PPP4R2: variants seen among roughly 807,000 people sequenced by gnomAD.
The protein encoded by PPP4R2 is serine/threonine-protein phosphatase 4 regulatory subunit 2.
In PPP4R2, 13 loss-of-function variants were observed where a neutral mutation model predicts 47.2. That is an observed-to-expected ratio of 0.28 (90% CI 0.18 to 0.44). PPP4R2 has a LOEUF of 0.44. Among genes scored for constraint, PPP4R2 ranks in the 20% least tolerant of loss-of-function variants. The pLI, the probability that PPP4R2 is intolerant of heterozygous loss-of-function variation, is 1.00. For missense variants in PPP4R2, 421 were observed against 491.2 expected (o/e 0.86, Z 1.35); for synonymous variants, 151 against 163.3 (o/e 0.92, Z 0.57).
rs950289047 is a variant in PPP4R2, at chr3:73,053,617, G to C, written c.288-5420G>C. 1.8e-4 allele frequency among the ~76,000 whole-genome samples: 27 copies of C among 151,962 alleles called. 1 individual carries two copies. Among genetic ancestry groups the C allele is most frequent in the Non-Finnish European group, 4.4e-5 (3 of 67,968 alleles). On this transcript the variant is annotated intron_variant, in intron 3 of 8. Transcript: ENST00000356692. ...TTGGGGTTCCTTATCATTATTAAAA[G>C]AGGCGAAATTAGCTGGGCGTGGTGG... is the stretch of plus-strand genomic sequence containing the variant.
chr3:73,020,672 TA>T (rs1553646728), intron 2 of PPP4R2, among the ~76,000 whole-genome samples: 19,234 of 133,048 alleles, frequency 0.14, 1,584 homozygotes, highest in East Asian at 0.35. Context: ...CCTGTCTCTT[TA>T]AAAAAAAAAA....
At chr3:73,053,177 G>T (rs973273778) in intron 3 of PPP4R2, among the ~76,000 whole-genome samples, 1 of 152,196 alleles carries the variant, frequency 6.6e-6, no homozygotes, top group Non-Finnish European at 1.5e-5. Context: ...GTCAGTGTTT[G>T]TTGAGTATAT....
At chr3:73,015,093 A>G (rs1701796392) in intron 2 of PPP4R2, 5 of 447,852 alleles carry the variant, frequency 1.1e-5, no homozygotes, top group Admixed American at 3.8e-5. Flanking sequence ...GAAAATAAAT[A>G]CTGAGAGCAC....
chr3:73,056,112 G>A (rs906280613), intron 3 of PPP4R2, among the ~76,000 whole-genome samples: 4 of 152,200 alleles, frequency 2.6e-5, no homozygotes, highest in African/African-American at 9.7e-5. Flanking sequence ...TGTATGCTAT[G>A]TCTAATGGAT....
chr3:73,037,577 CACAG>C (rs780489006), intron 2 of PPP4R2, among the ~76,000 whole-genome samples: 3 of 152,200 alleles, frequency 2.0e-5, no homozygotes, highest in Non-Finnish European at 4.4e-5. Context: ...CTACAGTGCA[CACAG>C]ACAGCAGCAC....
chr3:73,053,908 C>CAA (rs10631666), intron 3 of PPP4R2, among the ~76,000 whole-genome samples: 15,307 of 103,392 alleles, frequency 0.15, 2,194 homozygotes, highest in African/African-American at 0.36. Context: ...GACACCATCT[C>CAA]AAAAAAAAAA....
chr3:73,031,447 G>GTT (rs1175233610), intron 2 of PPP4R2, among the ~76,000 whole-genome samples: 1 of 152,108 alleles, frequency 6.6e-6, no homozygotes, highest in Non-Finnish European at 1.5e-5. Context: ...GGAGGCTGAG[G>GTT]CAGGAGAACC....
chr3:73,055,632 A>T (rs968624996), intron 3 of PPP4R2, among the ~76,000 whole-genome samples: 4 of 150,440 alleles, frequency 2.7e-5, no homozygotes, highest in African/African-American at 7.3e-5. Flanking sequence ...ATATGAATAA[A>T]TCAGATGATA....
intron 2 of PPP4R2, among the ~76,000 whole-genome samples, chr3:73,025,318 T>A (rs2107262750): frequency 6.6e-6 from 1 of 152,350 alleles, no homozygotes; most frequent in South Asian, 2.1e-4. Flanking sequence ...GGGAATCACC[T>A]TCTGACCTTT....
intron 3 of PPP4R2, among the ~76,000 whole-genome samples, chr3:73,058,492 G>T (rs143440885): frequency 6.6e-6 from 1 of 151,646 alleles, no homozygotes; most frequent in East Asian, 1.9e-4. Context: ...GTTGATTTTG[G>T]GTGTTCTAAG....
intron 3 of PPP4R2, among the ~76,000 whole-genome samples, chr3:73,050,087 G>A (rs1702580127): frequency 6.6e-6 from 1 of 151,856 alleles, no homozygotes; most frequent in Admixed American, 6.6e-5. Flanking sequence ...ATTACAGGGT[G>A]CATCACCACA....
chr3:73,039,985 C>T (rs1047022056), intron 2 of PPP4R2, among the ~76,000 whole-genome samples: 5 of 152,028 alleles, frequency 3.3e-5, no homozygotes, highest in Non-Finnish European at 7.4e-5. Flanking sequence ...ACCAGGGAGG[C>T]GGAGGTTGTA....
intron 2 of PPP4R2, among the ~76,000 whole-genome samples, chr3:73,025,244 A>G (rs958048209): frequency 2.6e-5 from 4 of 152,206 alleles, no homozygotes; most frequent in Non-Finnish European, 5.9e-5. Context: ...ATATTGGTAA[A>G]ATATGTTAAA....
intron 2 of PPP4R2, among the ~76,000 whole-genome samples, chr3:73,027,383 C>T (rs1251080093): frequency 6.6e-6 from 1 of 152,198 alleles, no homozygotes; most frequent in African/African-American, 2.4e-5. Flanking sequence ...GCCTTGGCCT[C>T]CTAAAGTGCT....
chr3:73,046,707 A>G (rs62915060), intron 2 of PPP4R2, among the ~76,000 whole-genome samples: 4 of 151,968 alleles, frequency 2.6e-5, no homozygotes, highest in Middle Eastern at 3.4e-3. Context: ...CTGAAAGGGG[A>G]AAAAAAAGGA....
chr3:73,065,889 A>G lies in PPP4R2; in HGVS notation c.*167A>G, dbSNP rs1702985033. On this transcript the variant is annotated 3_prime_UTR_variant, in exon 9 of 9. Coordinates refer to ENST00000356692, the MANE Select transcript of PPP4R2 (RefSeq NM_174907.4). ...AAGAGTTGTACATGTAAGAACTGTG[A>G]ATATCAGCTCCTCTGGGTCCTGCTT... is the stretch of plus-strand genomic sequence containing the variant. The G allele has an allele frequency of 2.2e-6, 1 of 464,884 alleles. No individual in the cohort carries two copies. The highest frequency in any genetic ancestry group is 3.2e-5 in the East Asian group (1 of 30,830). 28.8% of individuals were successfully genotyped at this position (464,884 alleles called of 1,614,324 possible).
At chr3:73,045,180 ATT>A (rs1047817133) in intron 2 of PPP4R2, among the ~76,000 whole-genome samples, 2 of 152,078 alleles carry the variant, frequency 1.3e-5, no homozygotes, top group African/African-American at 4.8e-5. Context: ...GTAATTAATT[ATT>A]TTGTAGAGAC....
At chr3:73,037,692 G>T (rs1339360753) in intron 2 of PPP4R2, among the ~76,000 whole-genome samples, 1 of 152,156 alleles carries the variant, frequency 6.6e-6, no homozygotes, top group Non-Finnish European at 1.5e-5. Flanking sequence ...CTTTACTTTA[G>T]TCAATATATT....
At chr3:73,017,655 T>C (rs1184995913) in intron 2 of PPP4R2, among the ~76,000 whole-genome samples, 1 of 152,014 alleles carries the variant, frequency 6.6e-6, no homozygotes, top group Non-Finnish European at 1.5e-5. Flanking sequence ...TATATATGCA[T>C]TTTGGAAACT....
Sources: allele counts gnomAD v4.1 joint callset (sites outside exome capture counted in the v4.1 genomes callset), GRCh38; gene constraint gnomAD v4.1.1; transcripts MANE v1.5; gene names NCBI Gene and HGNC (gene_info 2026-07-23, HGNC 2026-07-21).